The following CDK14 variants were observed in gnomAD, a reference collection of about 807,000 sequenced individuals.
CDK14 encodes cyclin dependent kinase 14.
Under a neutral mutation model 60.7 loss-of-function variants are expected in CDK14, and 34 were observed. The ratio of observed to expected loss-of-function variants is 0.56; its 90% CI spans 0.43 to 0.75. The LOEUF (loss-of-function observed/expected upper bound fraction) is 0.75. Ranked by LOEUF, CDK14 falls within the 30% of genes least tolerant of loss-of-function variation. The pLI is 0.00. For missense variants in CDK14, 482 were observed against 564.1 expected (o/e 0.85, Z 1.47); for synonymous variants, 197 against 203.7 (o/e 0.97, Z 0.28).
chr7:90,958,342 G>A (rs937637223), intron 9 of CDK14, among the ~76,000 whole-genome samples: 1 of 152,090 alleles, frequency 6.6e-6, no homozygotes, highest in African/African-American at 2.4e-5. Context: ...TAGCTCTAAA[G>A]CTTTCTAGTA....
chr7:91,122,624 C>A (rs1304894521), intron 14 of CDK14, among the ~76,000 whole-genome samples: 1 of 152,222 alleles, frequency 6.6e-6, no homozygotes, highest in Non-Finnish European at 1.5e-5. Context: ...TCTGTCTTTG[C>A]ATCAACTAAC....
Position 90,955,828 on chromosome 7 carries a change from GA to G in CDK14, c.947+13del. 1 of 1,612,330 alleles carries G rather than the reference GA, an allele frequency of 6.2e-7. No homozygotes were observed. Among genetic ancestry groups the G allele is most frequent in the Non-Finnish European group, 8.5e-7 (1 of 1,178,848 alleles). On this transcript the variant is annotated intron_variant, in intron 9 of 14. Coordinates refer to ENST00000380050, the MANE Select transcript of CDK14 (RefSeq NM_001287135.2). ...CTGCCTTGACATGTGGTGAGAAATG[GA>G]AGCTTTACTCTAGCTAATCTATCTG... is the stretch of plus-strand genomic sequence containing the variant.
chr7:90,597,833 G>GTTTTTTTT (rs11351927), intron 1 of CDK14, among the ~76,000 whole-genome samples: 4 of 138,612 alleles, frequency 2.9e-5, no homozygotes, highest in African/African-American at 2.7e-5. Flanking sequence ...ATTTAGCCAA[G>GTTTTTTTT]TTTTTTTTTT....
intron 8 of CDK14, among the ~76,000 whole-genome samples, chr7:90,950,628 G>C (rs1438015210): frequency 6.6e-6 from 1 of 152,222 alleles, no homozygotes. Flanking sequence ...GCAGTCAGCT[G>C]GAGACGCTAG....
chr7:90,750,535 A>G (rs1803795657), intron 4 of CDK14, among the ~76,000 whole-genome samples: 1 of 152,226 alleles, frequency 6.6e-6, no homozygotes, highest in South Asian at 2.1e-4. Context: ...TTAAAAGGAA[A>G]TCAGTCAGCG....
intron 10 of CDK14, among the ~76,000 whole-genome samples, chr7:91,003,590 G>A (rs1218726729): frequency 6.6e-6 from 1 of 152,120 alleles, no homozygotes; most frequent in East Asian, 1.9e-4. Flanking sequence ...CTCTCCTTGG[G>A]TATTGCCATC....
intron 10 of CDK14, among the ~76,000 whole-genome samples, chr7:90,989,734 A>G (rs913967745): frequency 2.6e-5 from 4 of 152,168 alleles, no homozygotes; most frequent in African/African-American, 9.7e-5. Flanking sequence ...GCCCTCACCC[A>G]CTACCCCCAG....
At chr7:90,635,455 G>A (rs1800119927) in intron 2 of CDK14, among the ~76,000 whole-genome samples, 1 of 152,086 alleles carries the variant, frequency 6.6e-6, no homozygotes, top group Non-Finnish European at 1.5e-5. Context: ...GATATGTGGT[G>A]TTATTTCTGA....
chr7:90,728,532 C>T (rs1369863278), intron 3 of CDK14, among the ~76,000 whole-genome samples: 1 of 151,660 alleles, frequency 6.6e-6, no homozygotes, highest in Admixed American at 6.6e-5. Flanking sequence ...AAAAAGTATC[C>T]TGTTCTATTT....
At chr7:91,149,227 T>C (rs1351944979) in intron 14 of CDK14, among the ~76,000 whole-genome samples, 3 of 152,058 alleles carry the variant, frequency 2.0e-5, no homozygotes, top group African/African-American at 7.2e-5. Context: ...TTTCAAAACA[T>C]TTCTTCCCTC....
chr7:91,201,205 G>A (rs1411334639), intron 14 of CDK14, among the ~76,000 whole-genome samples: 2 of 152,016 alleles, frequency 1.3e-5, no homozygotes, highest in Admixed American at 1.3e-4. Flanking sequence ...TTTTCTTGAA[G>A]AGAAACTAAA....
At chr7:90,835,249 A>G (rs1285202570) in intron 5 of CDK14, among the ~76,000 whole-genome samples, 1 of 152,186 alleles carries the variant, frequency 6.6e-6, no homozygotes, top group Non-Finnish European at 1.5e-5. Context: ...AAGGATTGGG[A>G]TCTTAAGAAA....
intron 2 of CDK14, among the ~76,000 whole-genome samples, chr7:90,622,530 A>G (rs748813559): frequency 1.1e-4 from 16 of 152,204 alleles, no homozygotes; most frequent in Non-Finnish European, 2.1e-4. Context: ...GGTTAATCCT[A>G]TTCATATTTT....
intron 14 of CDK14, among the ~76,000 whole-genome samples, chr7:91,147,294 ACT>A (rs1017710013): frequency 2.0e-5 from 3 of 150,176 alleles, no homozygotes; most frequent in Non-Finnish European, 3.0e-5. Flanking sequence ...TTTTGAGTGT[ACT>A]CTCTCTCTTA....
intron 5 of CDK14, among the ~76,000 whole-genome samples, chr7:90,827,795 TG>T (rs1340306084): frequency 6.6e-6 from 1 of 152,224 alleles, no homozygotes; most frequent in African/African-American, 2.4e-5. Flanking sequence ...TTAATATATT[TG>T]GTTCTTTTAA....
At chr7:90,799,647 G>A (rs527727991) in intron 5 of CDK14, among the ~76,000 whole-genome samples, 34 of 126,672 alleles carry the variant, frequency 2.7e-4, no homozygotes, top group African/African-American at 8.9e-4. Context: ...ACAAGATCGC[G>A]CCACTGCGCT....
At chr7:90,879,278 A>G (rs1791662943) in intron 6 of CDK14, among the ~76,000 whole-genome samples, 1 of 152,242 alleles carries the variant, frequency 6.6e-6, no homozygotes, top group Non-Finnish European at 1.5e-5. Context: ...TATACAACAT[A>G]TGCTGTTTTT....
intron 5 of CDK14, among the ~76,000 whole-genome samples, chr7:90,809,930 A>G (rs1005850151): frequency 7.2e-5 from 11 of 152,330 alleles, no homozygotes; most frequent in Admixed American, 1.3e-4. Flanking sequence ...GAAGAAGTTG[A>G]ATCTCTGAAT....
In CDK14 at chr7:91,207,967, A is replaced by G. The variant is rs1802953216; in HGVS notation, c.*831A>G. The G allele has an allele frequency of 2.6e-5, 4 of 152,712 alleles. No individual in the cohort carries two copies. The highest frequency in any genetic ancestry group is 4.4e-5 in the Non-Finnish European group (3 of 68,024). 9.5% of individuals were successfully genotyped at this position (152,712 alleles called of 1,614,324 possible). A position where few individuals can be genotyped will look rare whatever the true frequency, so the allele number is the denominator to read the frequency against. On this transcript the variant is annotated 3_prime_UTR_variant, in exon 15 of 15. Transcript: ENST00000380050. ...CTAATTTTTTTCCATCCATTCTGTT[A>G]CACTTTGTATTTTCTAACTGGAGAA...
Sources: allele counts gnomAD v4.1 joint callset (sites outside exome capture counted in the v4.1 genomes callset), GRCh38; gene constraint gnomAD v4.1.1; transcripts MANE v1.5; gene names NCBI Gene and HGNC (gene_info 2026-07-23, HGNC 2026-07-21).